Variants in KCNQ1 observed in about 807,000 individuals in gnomAD.
KCNQ1 encodes the protein potassium voltage-gated channel subfamily KQT member 1.
A neutral mutation model predicts 72.4 loss-of-function variants in KCNQ1; 49 were observed. That is an observed-to-expected ratio of 0.68 (90% CI 0.54 to 0.86). The LOEUF (loss-of-function observed/expected upper bound fraction) is 0.86, where lower values mean the gene tolerates loss of function less well. Ranked by LOEUF, KCNQ1 falls within the 40% of genes least tolerant of loss-of-function variation. KCNQ1 has a pLI of 0.00. For missense variants in KCNQ1, 790 were observed against 945.1 expected (o/e 0.84, Z 2.15); for synonymous variants, 450 against 412.6 (o/e 1.09, Z -1.10).
At chr11:2,591,172 G>T (rs1848665825) in intron 10 of KCNQ1, among the ~76,000 whole-genome samples, 1 of 152,258 alleles carries the variant, frequency 6.6e-6, no homozygotes, top group Non-Finnish European at 1.5e-5. Context: ...AACCCTTTGT[G>T]CTCGCAGGCA....
At chr11:2,449,794 G>C (rs1846096972) in intron 1 of KCNQ1, among the ~76,000 whole-genome samples, 1 of 152,284 alleles carries the variant, frequency 6.6e-6, no homozygotes, top group African/African-American at 2.4e-5. Context: ...TTCCCCTCCT[G>C]CTGCTAGGCT....
chr11:2,675,277 C>G, intron 11 of KCNQ1: 1 of 398,604 alleles, frequency 2.5e-6, no homozygotes, highest in Admixed American at 4.4e-5. Context: ...TAACTCACCT[C>G]TCCCAAAAGC....
intron 11 of KCNQ1, among the ~76,000 whole-genome samples, chr11:2,749,883 C>T (rs527343216): frequency 5.3e-5 from 8 of 151,626 alleles, no homozygotes; most frequent in South Asian, 4.2e-4. Flanking sequence ...GAGGCTGAGG[C>T]GGGGAAACAC....
intron 15 of KCNQ1, among the ~76,000 whole-genome samples, chr11:2,788,154 C>T (rs1467756663): frequency 1.3e-5 from 2 of 152,086 alleles, no homozygotes; most frequent in Non-Finnish European, 2.9e-5. Context: ...CGCCCCTCTC[C>T]ACCCCATGCC....
intron 1 of KCNQ1, among the ~76,000 whole-genome samples, chr11:2,511,622 G>A (rs190502089): frequency 7.2e-5 from 11 of 152,300 alleles, no homozygotes; most frequent in Admixed American, 4.6e-4. Context: ...TGAGGATACC[G>A]AGACAGAAAT....
intron 2 of KCNQ1, among the ~76,000 whole-genome samples, chr11:2,560,822 T>A (rs994305108): frequency 1.3e-5 from 2 of 151,786 alleles, no homozygotes; most frequent in Non-Finnish European, 2.9e-5. Flanking sequence ...CTGGGTGGGA[T>A]GAGGACAGAC....
intron 15 of KCNQ1, among the ~76,000 whole-genome samples, chr11:2,802,885 C>T (rs1847296643): frequency 6.6e-6 from 1 of 152,238 alleles, no homozygotes; most frequent in South Asian, 2.1e-4. Flanking sequence ...CAGAAGCCCC[C>T]AGCCCCAGCA....
Position 2,471,974 on chromosome 11 carries a change from G to C in KCNQ1, c.386+26490G>C, listed in dbSNP as rs183499126. On this transcript the variant is annotated intron_variant, in intron 1 of 15. Coordinates refer to ENST00000155840, the MANE Select transcript of KCNQ1 (RefSeq NM_000218.3). The surrounding 1 kb of genome is among the most constrained non-coding windows in gnomAD (Gnocchi z 4.8). ...GGTGTGTGTTCATATATATGGGTGT[G>C]TGTGCACCTATGTGTATAAGTGTGT... Among the ~76,000 whole-genome samples the C allele has an allele frequency of 1.3e-5, 2 of 151,944 alleles. No individual in the cohort carries two copies. Among genetic ancestry groups the C allele is most frequent in the Non-Finnish European group, 2.9e-5 (2 of 67,856 alleles).
intron 1 of KCNQ1, among the ~76,000 whole-genome samples, chr11:2,459,649 G>T (rs1349368419): frequency 1.3e-5 from 2 of 152,126 alleles, no homozygotes; most frequent in East Asian, 3.9e-4. Flanking sequence ...CGGCCCTGGG[G>T]GTGAACGGCT....
At chr11:2,786,105 A>G (rs926640390) in intron 15 of KCNQ1, among the ~76,000 whole-genome samples, 3 of 152,006 alleles carry the variant, frequency 2.0e-5, no homozygotes, top group African/African-American at 4.8e-5. Flanking sequence ...TTTTTATGTG[A>G]CTGAGGGATT....
In KCNQ1 at chr11:2,488,894, G is replaced by T. The variant is rs1846786992; in HGVS notation, c.387-39034G>T. Among the ~76,000 whole-genome samples, 2 of 152,032 alleles carry T rather than the reference G, an allele frequency of 1.3e-5. No individual in the cohort carries two copies. The highest frequency in any genetic ancestry group is 4.8e-5 in the African/African-American group (2 of 41,352). ...ATCTTCTTTCTTCTGCTAGCTTTGG[G>T]TTTAGTTCTTTTGCTAGTTCCTTAA... is the stretch of plus-strand genomic sequence containing the variant. On this transcript the variant is annotated intron_variant, in intron 1 of 15. Transcript: ENST00000155840. This position sits in a 1 kb window ranked among gnomAD's most constrained non-coding sequence, Gnocchi z 5.1.
intron 11 of KCNQ1, among the ~76,000 whole-genome samples, chr11:2,706,397 G>T (rs567867649): frequency 6.6e-6 from 1 of 152,292 alleles, no homozygotes; most frequent in Non-Finnish European, 1.5e-5. Context: ...GCTTGGGAGT[G>T]GATCCTCCAG....
At chr11:2,792,068 C>T (rs1403569182) in intron 15 of KCNQ1, among the ~76,000 whole-genome samples, 14 of 152,094 alleles carry the variant, frequency 9.2e-5, no homozygotes, top group African/African-American at 3.4e-4. Context: ...CCCCGTTCCG[C>T]GTCCGCTGCT....
At position 2,654,203 on chromosome 11, in the gene KCNQ1, C is replaced by T. The variant is rs1229595443; in HGVS notation, c.1394-7758C>T. ...GTGGGGCTGCGGCTCAGCAATGTCA[C>T]GCAGGGCCTGGCTGCAGCTGTCCGG... On this transcript the variant is annotated intron_variant, in intron 10 of 15. Coordinates refer to ENST00000155840, the MANE Select transcript of KCNQ1 (RefSeq NM_000218.3). The surrounding 1 kb of genome is among the most constrained non-coding windows in gnomAD (Gnocchi z 6.4). 2.5e-5 allele frequency: 10 copies of T among 398,658 alleles called. No individual in the cohort carries two copies. The highest frequency in any genetic ancestry group is 1.8e-4 in the East Asian group (5 of 28,080). The allele number at this position is 398,658 out of a possible 1,614,324, so 24.7% of individuals were successfully genotyped here. A position where few individuals can be genotyped will look rare whatever the true frequency, so the allele number is the denominator to read the frequency against.
At position 2,815,027 on chromosome 11, in the gene KCNQ1, C is replaced by T. The variant is rs574512637; in HGVS notation, c.1795-32740C>T. Among the ~76,000 whole-genome samples the T allele has an allele frequency of 1.3e-5, 2 of 152,370 alleles. No homozygotes were observed. The highest frequency in any genetic ancestry group is 3.9e-4 in the East Asian group (2 of 5,186). On this transcript the variant is annotated intron_variant, in intron 15 of 15. Coordinates refer to ENST00000155840, the MANE Select transcript of KCNQ1 (RefSeq NM_000218.3). This position sits in a 1 kb window ranked among gnomAD's most constrained non-coding sequence, Gnocchi z 5.4. ...CAGCTTTCCTCATCCCGGCCTCATG[C>T]ACTGTGGGCAGGAGTTGTCCTAGCA...
chr11:2,825,714 C>T (rs971026460), intron 15 of KCNQ1, among the ~76,000 whole-genome samples: 3 of 152,220 alleles, frequency 2.0e-5, no homozygotes, highest in African/African-American at 7.2e-5. Flanking sequence ...CGGAGCTGCG[C>T]GGGGGCAGCT....
intron 11 of KCNQ1, among the ~76,000 whole-genome samples, chr11:2,719,314 C>T (rs1397162574): frequency 7.4e-6 from 1 of 135,306 alleles, no homozygotes; most frequent in Admixed American, 8.2e-5. Context: ...GGCAGTATAA[C>T]GAGACTCTGT....
chr11:2,575,821 G>T (rs1848414904), intron 6 of KCNQ1, among the ~76,000 whole-genome samples: 1 of 152,120 alleles, frequency 6.6e-6, no homozygotes, highest in Non-Finnish European at 1.5e-5. Context: ...GAGGGTGCTG[G>T]AGCTGCCACA....
At chr11:2,838,441 T>G (rs1005079361) in intron 15 of KCNQ1, among the ~76,000 whole-genome samples, 2 of 127,354 alleles carry the variant, frequency 1.6e-5, no homozygotes, top group Non-Finnish European at 3.7e-5. Flanking sequence ...CCGGAGCCAC[T>G]GAGGGTTAGA....
Sources: gnomAD v4.1 joint callset for allele counts (sites outside exome capture counted in the v4.1 genomes callset) on GRCh38, gnomAD v4.1.1 for gene constraint, Gnocchi (gnomAD v3.1) non-coding constraint, MANE v1.5 for transcripts, NCBI Gene and HGNC (gene_info 2026-07-23, HGNC 2026-07-21) for gene names.